FAM110B: variants seen among roughly 807,000 people sequenced by gnomAD.
FAM110B encodes family with sequence similarity 110 member B, also known as protein FAM110B.
A neutral mutation model predicts 20.4 loss-of-function variants in FAM110B; 6 were observed. The observed-to-expected ratio is 0.29, with a 90% CI of 0.16 to 0.58. The LOEUF (loss-of-function observed/expected upper bound fraction) is 0.58. FAM110B is among the 20% of genes least tolerant of loss of function. The probability of loss-of-function intolerance (pLI) is 0.90; values close to 1 mark genes in which losing one functional copy is unlikely to be tolerated. For synonymous variants in FAM110B, 226 were observed against 214.1 expected (o/e 1.06, Z -0.49); for missense variants, 434 against 498.2 (o/e 0.87, Z 1.23).
intron 2 of FAM110B, among the ~76,000 whole-genome samples, chr8:58,038,978 T>G (rs1297467487): frequency 1.3e-5 from 2 of 152,248 alleles, no homozygotes; most frequent in African/African-American, 2.4e-5. Context: ...GACGTGGCTC[T>G]TGATTGAGAA....
intron 2 of FAM110B, among the ~76,000 whole-genome samples, chr8:58,056,551 G>A (rs1805550913): frequency 2.0e-5 from 3 of 152,174 alleles, no homozygotes; most frequent in Non-Finnish European, 4.4e-5. Context: ...CATAATTCAT[G>A]TATCTGCTAA....
At chr8:58,059,591 T>G (rs1030852078) in intron 2 of FAM110B, among the ~76,000 whole-genome samples, 1 of 152,040 alleles carries the variant, frequency 6.6e-6, no homozygotes, top group African/African-American at 2.4e-5. Flanking sequence ...CTTTTTAAGT[T>G]GGATTGCTGT....
At chr8:58,004,059 T>C (rs192114302) in intron 1 of FAM110B, among the ~76,000 whole-genome samples, 2 of 152,184 alleles carry the variant, frequency 1.3e-5, no homozygotes, top group Admixed American at 6.5e-5. Flanking sequence ...AGGGGGATGG[T>C]TTCATGATGA....
chr8:58,021,510 T>G (rs926728386), intron 1 of FAM110B, among the ~76,000 whole-genome samples: 1 of 152,176 alleles, frequency 6.6e-6, no homozygotes, highest in Non-Finnish European at 1.5e-5. Context: ...CTACTACTTA[T>G]GGTTTAAATG....
At chr8:58,086,601 C>T (rs951903041) in intron 3 of FAM110B, among the ~76,000 whole-genome samples, 9 of 152,136 alleles carry the variant, frequency 5.9e-5, no homozygotes, top group Admixed American at 2.0e-4. Flanking sequence ...CTTAACGTTA[C>T]GCATAAATAG....
At chr8:58,078,328 T>C (rs1274810889) in intron 3 of FAM110B, among the ~76,000 whole-genome samples, 1 of 152,210 alleles carries the variant, frequency 6.6e-6, no homozygotes, top group African/African-American at 2.4e-5. Flanking sequence ...CATCCTAGAA[T>C]ATGAAACGTC....
At chr8:58,025,977 A>G (rs1263362704) in intron 1 of FAM110B, among the ~76,000 whole-genome samples, 1 of 152,208 alleles carries the variant, frequency 6.6e-6, no homozygotes, top group Non-Finnish European at 1.5e-5. Flanking sequence ...AGACTCATGC[A>G]TCATCTTAGG....
chr8:58,098,631 C>T (rs977385827), intron 3 of FAM110B, among the ~76,000 whole-genome samples: 2 of 152,186 alleles, frequency 1.3e-5, no homozygotes, highest in Non-Finnish European at 2.9e-5. Flanking sequence ...TCTGCCCAAA[C>T]GGCTGCCCAG....
At chr8:58,018,885 T>G (rs1459231792) in intron 1 of FAM110B, among the ~76,000 whole-genome samples, 1 of 152,146 alleles carries the variant, frequency 6.6e-6, no homozygotes, top group Non-Finnish European at 1.5e-5. Flanking sequence ...TGAATGAATA[T>G]TTTACCACTT....
chr8:58,147,437 CTT>C lies in FAM110B; in HGVS notation c.*96_*97del. The stretch of plus-strand genomic sequence containing the variant: ...TTGAAGTGTTGTGAGCTTCTCCACT[CTT>C]TGTGTTGCTTGTTGTGCAATGTTTT... On this transcript the variant is annotated 3_prime_UTR_variant, in exon 4 of 4. Transcript: ENST00000519262. 1.4e-6 allele frequency: 2 copies of C among 1,406,640 alleles called. No homozygotes were observed. The highest frequency in any genetic ancestry group is 1.4e-5 in the South Asian group (1 of 71,534). The allele number at this position is 1,406,640 out of a possible 1,614,324, so 87.1% of individuals were successfully genotyped here.
chr8:58,146,725 C>T lies in FAM110B; in HGVS notation c.495C>T (p.Val165=). The change falls in exon 4 of 4, where the codon GTC becomes GTT. Residue 165 remains valine, a synonymous_variant. Coordinates refer to ENST00000519262, the MANE Select transcript of FAM110B (RefSeq NM_001377989.1). ...HRHSFAESLK[V]YPTQGRRSPQ... ...ACTCCTTCGCGGAGTCCCTGAAGGT[C>T]TACCCCACGCAGGGCCGCAGGAGCC... 9 of 1,612,258 alleles carry T rather than the reference C, an allele frequency of 5.6e-6. No individual in the cohort carries two copies. The highest frequency in any genetic ancestry group is 7.6e-6 in the Non-Finnish European group (9 of 1,179,370).
intron 3 of FAM110B, among the ~76,000 whole-genome samples, chr8:58,084,512 GC>G (rs1442806752): frequency 6.6e-6 from 1 of 151,394 alleles, no homozygotes; most frequent in African/African-American, 2.4e-5. Flanking sequence ...GCCTCAGCCT[GC>G]CAAGTAGCTG....
intron 1 of FAM110B, among the ~76,000 whole-genome samples, chr8:58,026,502 T>C (rs1804858601): frequency 6.6e-6 from 1 of 152,160 alleles, no homozygotes; most frequent in Non-Finnish European, 1.5e-5. Context: ...CGTGATTCTA[T>C]TGTATATCAT....
In FAM110B at chr8:58,146,481, C is replaced by G. The variant is rs1248082128; in HGVS notation, c.251C>G (p.Pro84Arg). The G allele has an allele frequency of 6.2e-7, 1 of 1,613,618 alleles. No individual in the cohort carries two copies. Among genetic ancestry groups the G allele is most frequent in the Admixed American group, 1.7e-5 (1 of 60,004 alleles). ...AAGCCCGCCGTGCTGGCCAAGCCCC[C>G]GGTGTGCCCGGCTGCCAAGCGCGCA... ...PVKPAVLAKP[P>R]VCPAAKRALG... Residue 84 changes from proline to arginine, a missense_variant, in exon 4 of 4, where the codon CCG (proline) becomes CGG (arginine). Transcript: ENST00000519262.
At chr8:58,000,661 C>T (rs1804274719) in intron 1 of FAM110B, among the ~76,000 whole-genome samples, 2 of 152,118 alleles carry the variant, frequency 1.3e-5, no homozygotes, top group Admixed American at 1.3e-4. Context: ...ACCACGGGGG[C>T]CACCATTTCT....
intron 3 of FAM110B, among the ~76,000 whole-genome samples, chr8:58,123,776 C>G (rs1015860741): frequency 1.3e-5 from 2 of 152,160 alleles, no homozygotes; most frequent in African/African-American, 4.8e-5. Context: ...AAAAATCTGT[C>G]AGCTATGCCA....
intron 3 of FAM110B, among the ~76,000 whole-genome samples, chr8:58,135,247 C>A (rs1252638167): frequency 2.0e-5 from 3 of 152,094 alleles, no homozygotes; most frequent in African/African-American, 7.2e-5. Context: ...CGGGATGGAA[C>A]TCAAAAATGT....
At chr8:58,109,109 G>A (rs571089989) in intron 3 of FAM110B, among the ~76,000 whole-genome samples, 8 of 152,072 alleles carry the variant, frequency 5.3e-5, no homozygotes, top group Non-Finnish European at 5.9e-5. Context: ...TCAGTCTGCC[G>A]ACTTCATTTC....
chr8:58,078,625 A>G (rs1271158487), intron 3 of FAM110B, among the ~76,000 whole-genome samples: 2 of 134,552 alleles, frequency 1.5e-5, no homozygotes, highest in African/African-American at 5.8e-5. Flanking sequence ...ATCTCGGCTC[A>G]CTGCAAGCTC....
Sources: allele counts gnomAD v4.1 joint callset (sites outside exome capture counted in the v4.1 genomes callset), GRCh38; gene constraint gnomAD v4.1.1; transcripts MANE v1.5; gene names NCBI Gene and HGNC (gene_info 2026-07-23, HGNC 2026-07-21).